The following MGMT variants were observed in gnomAD, a reference collection of about 807,000 sequenced individuals.
The protein encoded by MGMT is O-6-methylguanine-DNA methyltransferase, also known as methylated-DNA--protein-cysteine methyltransferase.
In MGMT, 14 loss-of-function variants were observed where a neutral mutation model predicts 15.9. The observed-to-expected ratio is 0.88, with a 90% CI of 0.58 to 1.37. The LOEUF is 1.37. Among genes scored for constraint, MGMT ranks in the 40% most tolerant of loss-of-function variants. The probability of loss-of-function intolerance (pLI) is 0.00; values close to 1 mark genes in which losing one functional copy is unlikely to be tolerated. For synonymous variants in MGMT, 130 were observed against 118.2 expected, an observed-to-expected ratio of 1.10 and a Z score of -0.65; for missense variants, 282 against 268.1, an observed-to-expected ratio of 1.05 and a Z score of -0.36.
At chr10:129,621,809 T>C (rs190731036) in intron 2 of MGMT, among the ~76,000 whole-genome samples, 1 of 152,352 alleles carries the variant, frequency 6.6e-6, no homozygotes, top group East Asian at 1.9e-4. Context: ...GCCATCCCCA[T>C]GTGCCTAATT....
intron 2 of MGMT, among the ~76,000 whole-genome samples, chr10:129,648,426 A>G (rs1394362148): frequency 2.6e-5 from 4 of 151,964 alleles, no homozygotes; most frequent in Non-Finnish European, 5.9e-5. Flanking sequence ...CAATTTTCAG[A>G]CTTTGCATTT....
At chr10:129,529,675 G>A (rs1426852499) in intron 1 of MGMT, among the ~76,000 whole-genome samples, 1 of 144,432 alleles carries the variant, frequency 6.9e-6, no homozygotes, top group Non-Finnish European at 1.5e-5. Flanking sequence ...TTTTAACTCA[G>A]AATTATTTTA....
chr10:129,608,611 T>G (rs189790089), intron 2 of MGMT, among the ~76,000 whole-genome samples: 1 of 152,398 alleles, frequency 6.6e-6, no homozygotes, highest in East Asian at 1.9e-4. Flanking sequence ...TCTCTCTGCG[T>G]ATAATTATAC....
At chr10:129,744,997 G>A (rs952232868) in intron 3 of MGMT, among the ~76,000 whole-genome samples, 1 of 152,108 alleles carries the variant, frequency 6.6e-6, no homozygotes, top group Non-Finnish European at 1.5e-5. Context: ...ATAGAGCCCC[G>A]GGAGGTAGGT....
Position 129,543,724 on chromosome 10 carries a change from C to G in MGMT, c.125+7347C>G, listed in dbSNP as rs367906403. Among the ~76,000 whole-genome samples the G allele has an allele frequency of 2.5e-3, 386 of 152,174 alleles. 1 individual carries two copies. The highest frequency in any genetic ancestry group is 8.9e-3 in the African/African-American group (369 of 41,522). Reference sequence around the variant, plus strand: ...AGCAATGCAAAAGTTTTATTTCTGTCAATTTTGTAACTGTGTTACAAGGAG... The same window carrying G: ...AGCAATGCAAAAGTTTTATTTCTGTGAATTTTGTAACTGTGTTACAAGGAG... On this transcript the variant is annotated intron_variant, in intron 2 of 4. Coordinates refer to ENST00000651593, the MANE Select transcript of MGMT (RefSeq NM_002412.5).
intron 1 of MGMT, among the ~76,000 whole-genome samples, chr10:129,515,969 C>T (rs1845734052): frequency 6.6e-6 from 1 of 152,082 alleles, no homozygotes; most frequent in Non-Finnish European, 1.5e-5. Context: ...GGTGATCATC[C>T]AGGGAACAGG....
chr10:129,484,569 AC>A (rs1369964181), intron 1 of MGMT, among the ~76,000 whole-genome samples: 1 of 151,978 alleles, frequency 6.6e-6, no homozygotes, highest in African/African-American at 2.4e-5. Flanking sequence ...CCCTTGTTTT[AC>A]GCATCTCTAC....
At chr10:129,475,808 G>C (rs1845287242) in intron 1 of MGMT, among the ~76,000 whole-genome samples, 1 of 152,228 alleles carries the variant, frequency 6.6e-6, no homozygotes, top group African/African-American at 2.4e-5. Context: ...ACTGTTCCTT[G>C]GAAGGAATGC....
intron 1 of MGMT, among the ~76,000 whole-genome samples, chr10:129,500,821 G>A (rs572991434): frequency 1.1e-4 from 16 of 152,272 alleles, no homozygotes; most frequent in Admixed American, 2.0e-4. Flanking sequence ...ACAGTGCTGG[G>A]ATTACAGACA....
intron 2 of MGMT, among the ~76,000 whole-genome samples, chr10:129,612,765 C>A (rs1846976426): frequency 6.6e-6 from 1 of 152,298 alleles, no homozygotes; most frequent in South Asian, 2.1e-4. Context: ...CGAAACATGT[C>A]ATCTTGTTAA....
intron 2 of MGMT, among the ~76,000 whole-genome samples, chr10:129,612,786 C>T (rs955640944): frequency 2.0e-5 from 3 of 152,180 alleles, no homozygotes; most frequent in Non-Finnish European, 2.9e-5. Context: ...GGGAGGTCTT[C>T]GTTTCGGCAT....
intron 2 of MGMT, among the ~76,000 whole-genome samples, chr10:129,579,822 A>G (rs1172568602): frequency 6.6e-6 from 1 of 152,156 alleles, no homozygotes; most frequent in Non-Finnish European, 1.5e-5. Flanking sequence ...GATTTTGGGA[A>G]AGTTGACCTA....
intron 2 of MGMT, among the ~76,000 whole-genome samples, chr10:129,658,952 A>G (rs1847563610): frequency 6.6e-6 from 1 of 152,116 alleles, no homozygotes; most frequent in African/African-American, 2.4e-5. Context: ...TTTTAGCTCC[A>G]TCTGTGGCAT....
At chr10:129,589,251 C>T (rs1347297149) in intron 2 of MGMT, among the ~76,000 whole-genome samples, 1 of 152,206 alleles carries the variant, frequency 6.6e-6, no homozygotes, top group Non-Finnish European at 1.5e-5. Flanking sequence ...TCATGAGTGG[C>T]TCTGCAGTGG....
intron 2 of MGMT, among the ~76,000 whole-genome samples, chr10:129,549,493 T>TA (rs1448959765): frequency 1.3e-5 from 2 of 152,224 alleles, no homozygotes; most frequent in African/African-American, 2.4e-5. Flanking sequence ...ATATAAGCAA[T>TA]AAAATGTTCC....
At chr10:129,576,559 A>G (rs1846485277) in intron 2 of MGMT, among the ~76,000 whole-genome samples, 1 of 152,220 alleles carries the variant, frequency 6.6e-6, no homozygotes. Context: ...GCTATCTATG[A>G]CAAACCCACA....
chr10:129,604,208 G>A (rs979533827), intron 2 of MGMT, among the ~76,000 whole-genome samples: 4 of 152,220 alleles, frequency 2.6e-5, no homozygotes, highest in African/African-American at 9.6e-5. Flanking sequence ...ATCATCTGAA[G>A]GGGCTGCCGG....
chr10:129,523,121 CAGTT>C (rs1444827459), intron 1 of MGMT, among the ~76,000 whole-genome samples: 2 of 152,232 alleles, frequency 1.3e-5, no homozygotes, highest in Admixed American at 6.5e-5. Context: ...TGCAGCGCAG[CAGTT>C]AGTTGGTTCC....
intron 2 of MGMT, among the ~76,000 whole-genome samples, chr10:129,693,464 C>G (rs1483737241): frequency 6.6e-6 from 1 of 152,110 alleles, no homozygotes; most frequent in African/African-American, 2.4e-5. Flanking sequence ...CAGCGTTGGC[C>G]GGAAGCATAA....
Sources: allele counts gnomAD v4.1 joint callset (sites outside exome capture counted in the v4.1 genomes callset), GRCh38; gene constraint gnomAD v4.1.1; transcripts MANE v1.5; gene names NCBI Gene and HGNC (gene_info 2026-07-23, HGNC 2026-07-21).